DNER: variants seen among roughly 807,000 people sequenced by gnomAD.
DNER encodes the protein delta and Notch-like epidermal growth factor-related receptor.
A neutral mutation model predicts 78.2 loss-of-function variants in DNER; 33 were observed. The observed-to-expected ratio is 0.42, with a 90% CI of 0.32 to 0.56. The LOEUF (loss-of-function observed/expected upper bound fraction) is 0.56, where lower values mean the gene tolerates loss of function less well. Ranked by LOEUF, DNER falls within the 20% of genes least tolerant of loss-of-function variation. DNER has a pLI of 0.11. For missense variants in DNER, 918 were observed against 975.3 expected, an observed-to-expected ratio of 0.94 and a Z score of 0.78; for synonymous variants, 417 against 384.8, an observed-to-expected ratio of 1.08 and a Z score of -0.98.
At chr2:229,540,517 T>C (rs923772120) in intron 5 of DNER, among the ~76,000 whole-genome samples, 1 of 152,172 alleles carries the variant, frequency 6.6e-6, no homozygotes, top group African/African-American at 2.4e-5. Flanking sequence ...GAAAGGACAG[T>C]GTCTCCCAAC....
intron 1 of DNER, among the ~76,000 whole-genome samples, chr2:229,678,978 C>T (rs1365047818): frequency 2.0e-5 from 3 of 152,206 alleles, no homozygotes; most frequent in East Asian, 3.8e-4. Flanking sequence ...ATGCTCCCCA[C>T]AGAAACACTG....
At position 229,524,036 on chromosome 2, in the gene DNER, A is replaced by T. The variant is rs1197601422; in HGVS notation, c.994-11100T>A. ...CATAGCTACCTCTGAGGTGGCTGTTATTGTTATTCTCATTTTATATTTGAG... is the reference window on the plus strand; with the variant it reads ...CATAGCTACCTCTGAGGTGGCTGTTTTTGTTATTCTCATTTTATATTTGAG... On this transcript the variant is annotated intron_variant, in intron 5 of 12. Coordinates refer to ENST00000341772, the MANE Select transcript of DNER (RefSeq NM_139072.4). 2.0e-5 allele frequency among the ~76,000 whole-genome samples: 3 copies of T among 152,228 alleles called. No homozygotes were observed. In the East Asian group the frequency reaches 5.8e-4, roughly 29 times the overall value.
At chr2:229,533,292 G>T (rs1440137788) in intron 5 of DNER, among the ~76,000 whole-genome samples, 1 of 152,074 alleles carries the variant, frequency 6.6e-6, no homozygotes, top group Non-Finnish European at 1.5e-5. Context: ...AGGTCCATGA[G>T]GTCAAAATGA....
intron 1 of DNER, among the ~76,000 whole-genome samples, chr2:229,683,968 T>C (rs894696699): frequency 3.3e-5 from 5 of 152,040 alleles, no homozygotes; most frequent in Admixed American, 2.0e-4. Context: ...TGTTAGGGGC[T>C]GGGGAGAGAT....
chr2:229,512,759 C>A, intron 6 of DNER, 24 bp downstream of exon 6: 2 of 1,613,580 alleles, frequency 1.2e-6, no homozygotes, highest in Non-Finnish European at 1.7e-6. Context: ...CACCTAATAA[C>A]TGAACCATGA....
chr2:229,656,026 C>A (rs182856731), intron 1 of DNER, among the ~76,000 whole-genome samples: 25 of 152,262 alleles, frequency 1.6e-4, no homozygotes, highest in African/African-American at 5.3e-4. Flanking sequence ...AGCCTGGCCC[C>A]ACCCACACCT....
chr2:229,501,412 C>A (rs1233215395), intron 6 of DNER, among the ~76,000 whole-genome samples: 1 of 151,240 alleles, frequency 6.6e-6, no homozygotes, highest in African/African-American at 2.4e-5. Context: ...CATATTCATG[C>A]ATTCTAGATT....
rs550677219 is a variant in DNER, at chr2:229,675,599, T to C, written c.276+38549A>G. On this transcript the variant is annotated intron_variant, in intron 1 of 12. Transcript: ENST00000341772. Reference sequence around the variant, plus strand: ...TCAGTGTGTCCCTGGAGGCTAATCATCCAGAAGAAATCTTGTTATCCTACC... The same window carrying C: ...TCAGTGTGTCCCTGGAGGCTAATCACCCAGAAGAAATCTTGTTATCCTACC... 5.8e-4 allele frequency among the ~76,000 whole-genome samples: 89 copies of C among 152,202 alleles called. 1 individual carries two copies. Among genetic ancestry groups the C allele is most frequent in the African/African-American group, 1.9e-3 (78 of 41,532 alleles).
chr2:229,525,930 T>C (rs1279100944), intron 5 of DNER, among the ~76,000 whole-genome samples: 1 of 152,212 alleles, frequency 6.6e-6, no homozygotes, highest in Non-Finnish European at 1.5e-5. Context: ...CAAATTGATA[T>C]AACATCAGCA....
chr2:229,625,878 G>T (rs899441702), intron 1 of DNER, among the ~76,000 whole-genome samples: 1 of 147,458 alleles, frequency 6.8e-6, no homozygotes, highest in Non-Finnish European at 1.5e-5. Flanking sequence ...TGTCTACTAT[G>T]CAACTTTGTT....
intron 6 of DNER, among the ~76,000 whole-genome samples, chr2:229,496,137 C>A (rs1169520153): frequency 6.6e-6 from 1 of 152,164 alleles, no homozygotes; most frequent in Non-Finnish European, 1.5e-5. Context: ...CTTGAAAAAC[C>A]TTGTTACTAA....
chr2:229,372,872 A>G (rs953235863), intron 11 of DNER, among the ~76,000 whole-genome samples: 1 of 152,112 alleles, frequency 6.6e-6, no homozygotes, highest in Non-Finnish European at 1.5e-5. Context: ...TTGTACAGAT[A>G]GGCCAATGAG....
At chr2:229,672,244 C>A (rs1699221260) in intron 1 of DNER, among the ~76,000 whole-genome samples, 1 of 152,220 alleles carries the variant, frequency 6.6e-6, no homozygotes, top group East Asian at 1.9e-4. Flanking sequence ...TCTGGGGTAG[C>A]TGAGGTAGGG....
intron 4 of DNER, among the ~76,000 whole-genome samples, chr2:229,563,699 ATCATCC>A (rs1170587110): frequency 7.3e-6 from 1 of 137,162 alleles, no homozygotes. Context: ...CACCGTCATC[ATCATCC>A]TCCTCACCCC....
chr2:229,582,929 G>A (rs1011531167), intron 4 of DNER, among the ~76,000 whole-genome samples: 4 of 152,072 alleles, frequency 2.6e-5, no homozygotes, highest in Non-Finnish European at 5.9e-5. Context: ...ACGAGCCACC[G>A]CGCCTGACCT....
At chr2:229,604,985 T>G (rs1697906295) in intron 1 of DNER, among the ~76,000 whole-genome samples, 1 of 152,160 alleles carries the variant, frequency 6.6e-6, no homozygotes, top group Non-Finnish European at 1.5e-5. Flanking sequence ...GTGTTCAGAT[T>G]GTCTCATTGC....
chr2:229,615,821 T>C (rs938802817), intron 1 of DNER, among the ~76,000 whole-genome samples: 25 of 152,104 alleles, frequency 1.6e-4, no homozygotes, highest in Non-Finnish European at 3.5e-4. Flanking sequence ...CTAAAGCTAT[T>C]GCAAAGCAAG....
intron 6 of DNER, among the ~76,000 whole-genome samples, chr2:229,487,825 AC>A (rs1695309645): frequency 6.6e-6 from 1 of 152,212 alleles, no homozygotes; most frequent in African/African-American, 2.4e-5. Context: ...GAAACAGCAT[AC>A]TGAGTAAATG....
chr2:229,660,718 G>T (rs188903795), intron 1 of DNER, among the ~76,000 whole-genome samples: 1 of 152,180 alleles, frequency 6.6e-6, no homozygotes, highest in Non-Finnish European at 1.5e-5. Context: ...GCTATACCCT[G>T]GTATCATTAG....
Sources: allele counts gnomAD v4.1 joint callset (sites outside exome capture counted in the v4.1 genomes callset), GRCh38; gene constraint gnomAD v4.1.1; transcripts MANE v1.5; gene names NCBI Gene and HGNC (gene_info 2026-07-23, HGNC 2026-07-21).